ADAM2: variants seen among roughly 807,000 people sequenced by gnomAD.
ADAM2 encodes the protein ADAM metallopeptidase domain 2, also known as disintegrin and metalloproteinase domain-containing protein 2.
In ADAM2, 101 loss-of-function variants were observed where a neutral mutation model predicts 99.3. The ratio of observed to expected loss-of-function variants is 1.02; its 90% confidence interval spans 0.87 to 1.20. The LOEUF (loss-of-function observed/expected upper bound fraction) is 1.20, where lower values mean the gene tolerates loss of function less well. Ranked by LOEUF, ADAM2 falls within the 50% of genes most tolerant of loss-of-function variation. The pLI, the probability that ADAM2 is intolerant of heterozygous loss-of-function variation, is 0.00. For synonymous variants in ADAM2, 323 were observed against 287.6 expected, an observed-to-expected ratio of 1.12 and a Z score of -1.25; for missense variants, 948 against 878.7, an observed-to-expected ratio of 1.08 and a Z score of -1.00.
intron 10 of ADAM2, 148 bp downstream of exon 10, chr8:39,786,826 C>G: frequency 1.8e-6 from 1 of 558,632 alleles, no homozygotes. Context: ...TGAATGAGTA[C>G]TTCTTATAGT....
intron 15 of ADAM2, among the ~76,000 whole-genome samples, chr8:39,758,851 T>A (rs1802248619): frequency 6.6e-6 from 1 of 151,972 alleles, no homozygotes. Context: ...AGTATCAAAA[T>A]AATGATAGTA....
At chr8:39,769,336 T>C in intron 12 of ADAM2, 56 bp downstream of exon 12, 1 of 1,388,298 alleles carries the variant, frequency 7.2e-7, no homozygotes, top group East Asian at 2.3e-5. Flanking sequence ...CTCACTCGAA[T>C]TAATAAGTAA....
intron 14 of ADAM2, among the ~76,000 whole-genome samples, chr8:39,765,166 A>G (rs1802522581): frequency 6.6e-6 from 1 of 152,194 alleles, no homozygotes; most frequent in African/African-American, 2.4e-5. Context: ...AGGAAGTGAA[A>G]GCTAAGGCTG....
intron 2 of ADAM2, among the ~76,000 whole-genome samples, chr8:39,835,005 A>G (rs1379625217): frequency 6.6e-6 from 1 of 152,062 alleles, no homozygotes; most frequent in Non-Finnish European, 1.5e-5. Flanking sequence ...ACTTACTATT[A>G]ATTACTATTC....
At chr8:39,805,958 T>C (rs1804418433) in intron 7 of ADAM2, among the ~76,000 whole-genome samples, 1 of 152,114 alleles carries the variant, frequency 6.6e-6, no homozygotes. Context: ...GTCAGGAATA[T>C]TCCATATATA....
intron 6 of ADAM2, among the ~76,000 whole-genome samples, chr8:39,814,406 A>G (rs1426345756): frequency 3.3e-5 from 5 of 152,086 alleles, no homozygotes; most frequent in Admixed American, 3.3e-4. Context: ...TATTAAGACA[A>G]AGTAGCCCTA....
Position 39,746,321 on chromosome 8 carries a change from CT to C in ADAM2, c.2174+150del, listed in dbSNP as rs1442352304. On this transcript the variant is annotated intron_variant, in intron 19 of 20. Coordinates refer to ENST00000265708, the MANE Select transcript of ADAM2 (RefSeq NM_001464.5). ...GGATGACAGGCGTGAGCCACCACCC[CT>C]GGCCATTAGTTATTAATATATGAGT... 4.1e-5 allele frequency: 23 copies of C among 561,584 alleles called. No homozygotes were observed. The South Asian group carries it at 7.9e-4, about 19-fold the overall frequency. The allele number at this position is 561,584 out of a possible 1,614,324, so 34.8% of individuals were successfully genotyped here.
chr8:39,825,112 A>C (rs1805346844), intron 3 of ADAM2, among the ~76,000 whole-genome samples: 1 of 152,222 alleles, frequency 6.6e-6, no homozygotes, highest in South Asian at 2.1e-4. Flanking sequence ...TTTTCCAAAC[A>C]CAACAGGCAA....
chr8:39,778,890 A>G (rs1453415301), intron 10 of ADAM2, among the ~76,000 whole-genome samples: 1 of 152,106 alleles, frequency 6.6e-6, no homozygotes, highest in Non-Finnish European at 1.5e-5. Context: ...TTACTGACCC[A>G]TAAATGCATC....
intron 11 of ADAM2, among the ~76,000 whole-genome samples, chr8:39,776,364 C>G (rs1402850384): frequency 2.0e-5 from 3 of 152,098 alleles, no homozygotes; most frequent in Non-Finnish European, 4.4e-5. Context: ...ATGTTTCCTG[C>G]TGCAGGCAAT....
chr8:39,762,496 A>G (rs12546336), intron 14 of ADAM2, among the ~76,000 whole-genome samples: 109,351 of 152,138 alleles, frequency 0.72, 40,139 homozygotes, highest in East Asian at 0.87. Flanking sequence ...CATTTTATGT[A>G]TCAACTTGGT....
chr8:39,784,475 G>A (rs1405013918), intron 10 of ADAM2, among the ~76,000 whole-genome samples: 1 of 152,084 alleles, frequency 6.6e-6, no homozygotes, highest in Non-Finnish European at 1.5e-5. Context: ...TGAACTCCTA[G>A]GCTCAAGTGA....
intron 7 of ADAM2, among the ~76,000 whole-genome samples, chr8:39,790,523 G>A (rs1253749390): frequency 2.6e-5 from 4 of 151,960 alleles, no homozygotes; most frequent in Non-Finnish European, 5.9e-5. Context: ...TGTGGTACAG[G>A]AAAGTAAGGG....
At chr8:39,769,911 A>G (rs1364520526) in intron 11 of ADAM2, among the ~76,000 whole-genome samples, 1 of 150,984 alleles carries the variant, frequency 6.6e-6, no homozygotes, top group Non-Finnish European at 1.5e-5. Flanking sequence ...ACACCCCTGT[A>G]TTAATAAAGA....
intron 14 of ADAM2, among the ~76,000 whole-genome samples, chr8:39,762,371 T>C (rs976077992): frequency 6.6e-6 from 1 of 152,170 alleles, no homozygotes; most frequent in Non-Finnish European, 1.5e-5. Flanking sequence ...TTGGCTATGG[T>C]AGCAAGCCAT....
chr8:39,749,725 C>T lies in ADAM2; in HGVS notation c.1817G>A (p.Cys606Tyr), dbSNP rs1452346886. Reference protein sequence around the residue: ...GSNKVCRNQRCVSSSYLGYDC... With the variant: ...GSNKVCRNQRYVSSSYLGYDC... Reference sequence around the variant, plus strand: ...ATAACCCAAGTATGAAGAACTCACACATCTTTGATTCCTGCAAACCTAAAA... The same window carrying T: ...ATAACCCAAGTATGAAGAACTCACATATCTTTGATTCCTGCAAACCTAAAA... Residue 606 changes from cysteine (C) to tyrosine (Y), a missense_variant, in exon 17 of 21, where the codon TGT (cysteine) becomes TAT (tyrosine). Coordinates refer to ENST00000265708, the MANE Select transcript of ADAM2 (RefSeq NM_001464.5). 5 of 1,612,260 alleles carry T rather than the reference C, an allele frequency of 3.1e-6. No homozygotes were observed. The East Asian group carries it at 8.9e-5, about 29-fold the overall frequency.
intron 3 of ADAM2, among the ~76,000 whole-genome samples, chr8:39,826,463 C>A (rs970126836): frequency 1.3e-5 from 2 of 152,174 alleles, no homozygotes; most frequent in African/African-American, 4.8e-5. Context: ...GTGGCTCACG[C>A]CTGTAATCCC....
rs1823338448 is a variant in ADAM2, at chr8:39,743,852, A to G, written c.*243T>C. On this transcript the variant is annotated 3_prime_UTR_variant, in exon 21 of 21. Coordinates refer to ENST00000265708, the MANE Select transcript of ADAM2 (RefSeq NM_001464.5). The stretch of plus-strand genomic sequence containing the variant: ...TACTAACCAACAGAAATAGCGTAAG[A>G]TAACTTTAAAAAAACAGAAATTTGT... 1 of 152,180 alleles carries G rather than the reference A, an allele frequency of 6.6e-6. No homozygotes were observed. Among genetic ancestry groups the G allele is most frequent in the Non-Finnish European group, 1.5e-5 (1 of 68,006 alleles). The allele number at this position is 152,180 out of a possible 1,614,324, so 9.4% of individuals were successfully genotyped here. A position where few individuals can be genotyped will look rare whatever the true frequency, so the allele number is the denominator to read the frequency against.
chr8:39,828,334 CAT>C (rs1563385017), intron 3 of ADAM2, among the ~76,000 whole-genome samples: 2 of 151,598 alleles, frequency 1.3e-5, no homozygotes, highest in African/African-American at 4.8e-5. Context: ...GATCTAAAAA[CAT>C]ATGGTAATTG....
Sources: gnomAD v4.1 joint callset for allele counts (sites outside exome capture counted in the v4.1 genomes callset) on GRCh38, gnomAD v4.1.1 for gene constraint, MANE v1.5 for transcripts, NCBI Gene and HGNC (gene_info 2026-07-23, HGNC 2026-07-21) for gene names.